NCKAP5: variants seen among roughly 807,000 people sequenced by gnomAD.
The protein encoded by NCKAP5 is nck-associated protein 5.
A neutral mutation model predicts 167.0 loss-of-function variants in NCKAP5; 92 were observed. That is an observed-to-expected ratio of 0.55 (90% CI 0.47 to 0.66). The LOEUF (loss-of-function observed/expected upper bound fraction) is 0.66, where lower values mean the gene tolerates loss of function less well. Among genes scored for constraint, NCKAP5 ranks in the 30% least tolerant of loss-of-function variants. NCKAP5 has a pLI of 0.00. For synonymous variants in NCKAP5, 891 were observed against 877.4 expected, an observed-to-expected ratio of 1.02 and a Z score of -0.27; for missense variants, 2,378 against 2,315.0, an observed-to-expected ratio of 1.03 and a Z score of -0.56.
At chr2:132,832,251 T>C (rs557217083) in intron 11 of NCKAP5, among the ~76,000 whole-genome samples, 13 of 152,274 alleles carry the variant, frequency 8.5e-5, no homozygotes, top group African/African-American at 3.1e-4. Flanking sequence ...CATTCTATAG[T>C]AAAGCTCTCA....
At chr2:133,659,303 T>C in the NCKAP5 span, among the ~76,000 whole-genome samples, 1 of 152,140 alleles carries the variant, frequency 6.6e-6, no homozygotes, top group Non-Finnish European at 1.5e-5. Context: ...AGAATAAAGC[T>C]GAACACTACC....
chr2:132,889,909 G>A (rs1692554449), intron 8 of NCKAP5, among the ~76,000 whole-genome samples: 1 of 152,134 alleles, frequency 6.6e-6, no homozygotes, highest in African/African-American at 2.4e-5. Flanking sequence ...AGGGTTGAGT[G>A]GTGTGGAGGA....
chr2:133,045,064 A>G (rs1346767138), intron 6 of NCKAP5, among the ~76,000 whole-genome samples: 2 of 152,108 alleles, frequency 1.3e-5, no homozygotes, highest in African/African-American at 4.8e-5. Flanking sequence ...AAGAAGAAAA[A>G]AAAAAGAAAG....
At chr2:133,181,148 T>C (rs1475840514) in intron 5 of NCKAP5, among the ~76,000 whole-genome samples, 4 of 152,096 alleles carry the variant, frequency 2.6e-5, no homozygotes, top group East Asian at 1.9e-4. Context: ...CTATGTGATA[T>C]GGTTCTAAAT....
At chr2:133,107,725 A>G (rs996870867) in intron 6 of NCKAP5, among the ~76,000 whole-genome samples, 5 of 152,164 alleles carry the variant, frequency 3.3e-5, no homozygotes, top group Admixed American at 2.0e-4. Flanking sequence ...GGGAAGCTCA[A>G]ATCTGGTAGG....
intron 11 of NCKAP5, among the ~76,000 whole-genome samples, chr2:132,812,258 G>T (rs913124087): frequency 6.6e-6 from 1 of 152,214 alleles, no homozygotes. Context: ...CTTGTCTGGA[G>T]CTGCAATCTA....
chr2:133,245,340 G>C (rs923869511), intron 4 of NCKAP5, among the ~76,000 whole-genome samples: 1 of 151,982 alleles, frequency 6.6e-6, no homozygotes, highest in Non-Finnish European at 1.5e-5. Context: ...TAAGTATCAC[G>C]AATACAATAT....
At chr2:133,083,666 G>A (rs1036995921) in intron 6 of NCKAP5, among the ~76,000 whole-genome samples, 1 of 152,278 alleles carries the variant, frequency 6.6e-6, no homozygotes, top group African/African-American at 2.4e-5. Context: ...GAATTCTGCA[G>A]GGAGTACAAT....
intron 4 of NCKAP5, among the ~76,000 whole-genome samples, chr2:133,239,220 AAATT>A (rs1235860059): frequency 6.6e-6 from 1 of 152,340 alleles, no homozygotes; most frequent in East Asian, 1.9e-4. Flanking sequence ...AGCTGCCTCA[AAATT>A]AATTAATGTA....
chr2:132,934,139 T>C (rs529142950), intron 8 of NCKAP5, among the ~76,000 whole-genome samples: 10 of 152,352 alleles, frequency 6.6e-5, no homozygotes, highest in South Asian at 4.1e-4. Flanking sequence ...TGTTGGTGTA[T>C]GGCCAAGTCA....
chr2:132,719,214 G>A (rs1345410194), intron 19 of NCKAP5, among the ~76,000 whole-genome samples: 5 of 152,180 alleles, frequency 3.3e-5, no homozygotes, highest in Non-Finnish European at 7.3e-5. Flanking sequence ...AAGCAAGACC[G>A]AGGTGGGCTT....
intron 19 of NCKAP5, among the ~76,000 whole-genome samples, chr2:132,687,095 T>A (rs1686044018): frequency 6.6e-6 from 1 of 152,160 alleles, no homozygotes; most frequent in Non-Finnish European, 1.5e-5. Context: ...AATTAGGGAT[T>A]TGCCTTGGAA....
intron 3 of NCKAP5, among the ~76,000 whole-genome samples, chr2:133,500,055 A>C (rs1197712851): frequency 6.6e-6 from 1 of 152,100 alleles, no homozygotes; most frequent in African/African-American, 2.4e-5. Flanking sequence ...TTTAATCTAA[A>C]ATCTGAGTCA....
intron 3 of NCKAP5, among the ~76,000 whole-genome samples, chr2:133,493,476 T>C (rs1681649924): frequency 6.6e-6 from 1 of 152,218 alleles, no homozygotes; most frequent in South Asian, 2.1e-4. Context: ...AAATATTCTG[T>C]AACTCAATCT....
intron 4 of NCKAP5, among the ~76,000 whole-genome samples, chr2:133,224,275 G>A (rs1301884623): frequency 6.6e-6 from 1 of 152,182 alleles, no homozygotes. Context: ...CTAGAAGGCT[G>A]TGACTTTGTG....
chr2:132,987,763 A>G (rs890689395), intron 7 of NCKAP5, among the ~76,000 whole-genome samples: 1 of 152,190 alleles, frequency 6.6e-6, no homozygotes, highest in Non-Finnish European at 1.5e-5. Flanking sequence ...CCACTGGGGC[A>G]ATGACTCACC....
intron 19 of NCKAP5, among the ~76,000 whole-genome samples, chr2:132,691,260 A>G (rs1573883387): frequency 1.3e-5 from 2 of 152,102 alleles, no homozygotes; most frequent in South Asian, 2.1e-4. Context: ...TGTTCTTCAT[A>G]CAAAAGCCAA....
chr2:133,583,481 G>A, the NCKAP5 span, among the ~76,000 whole-genome samples: 3 of 152,116 alleles, frequency 2.0e-5, no homozygotes. Flanking sequence ...ATTCCTGTAA[G>A]CCCTGCACTG....
chr2:132,774,073 T>C (rs980589277), intron 15 of NCKAP5, among the ~76,000 whole-genome samples, 179 bp from the exon 16 acceptor site: 5 of 152,232 alleles, frequency 3.3e-5, no homozygotes, highest in Non-Finnish European at 5.9e-5. Flanking sequence ...TTCGTTCTAC[T>C]TTTCCGCACT....
Sources: allele counts gnomAD v4.1 joint callset (sites outside exome capture counted in the v4.1 genomes callset), GRCh38; gene constraint gnomAD v4.1.1; transcripts MANE v1.5; gene names NCBI Gene and HGNC (gene_info 2026-07-23, HGNC 2026-07-21).